APBB2: variants seen among roughly 807,000 people sequenced by gnomAD.
APBB2 encodes amyloid beta precursor protein binding family B member 2, also known as Fe65-like 1.
A neutral mutation model predicts 82.5 loss-of-function variants in APBB2; 38 were observed. The ratio of observed to expected loss-of-function variants is 0.46; its 90% CI spans 0.36 to 0.60. The LOEUF (loss-of-function observed/expected upper bound fraction) is 0.60. Ranked by LOEUF, APBB2 falls within the 20% of genes least tolerant of loss-of-function variation. APBB2 has a pLI of 0.00. For synonymous variants in APBB2, 341 were observed against 368.2 expected (o/e 0.93, Z 0.85); for missense variants, 772 against 972.3 (o/e 0.79, Z 2.74).
At chr4:41,210,040 T>A (rs1250864383) in intron 1 of APBB2, among the ~76,000 whole-genome samples, 2 of 152,188 alleles carry the variant, frequency 1.3e-5, no homozygotes, top group Non-Finnish European at 2.9e-5. Context: ...CCCACACATG[T>A]GCAGTTCACA....
intron 1 of APBB2, among the ~76,000 whole-genome samples, chr4:41,189,476 T>C (rs1391680191): frequency 6.6e-6 from 1 of 152,154 alleles, no homozygotes; most frequent in African/African-American, 2.4e-5. Context: ...TCTGTGTGCT[T>C]TCCCTTAATG....
rs551725920 is a variant in APBB2 at position 41,038,507 on chromosome 4, C to T, written c.-50-5203G>A. 6.6e-5 allele frequency among the ~76,000 whole-genome samples: 10 copies of T among 152,252 alleles called. No individual in the cohort carries two copies. The East Asian group carries it at 1.7e-3, about 26-fold the overall frequency. On this transcript the variant is annotated intron_variant, in intron 4 of 17. Coordinates refer to ENST00000508593, the MANE Select transcript of APBB2 (RefSeq NM_004307.2). ...TCTAATTCCTCCCCATACATTGTCC[C>T]GGATCTATCGCAGATCTACAATGCC...
At chr4:40,821,542 T>C (rs774623558) in intron 17 of APBB2, among the ~76,000 whole-genome samples, 2 of 152,204 alleles carry the variant, frequency 1.3e-5, no homozygotes, top group Non-Finnish European at 2.9e-5. Context: ...AAGTACTGAA[T>C]TGAACCCAAA....
chr4:41,013,533 AG>A lies in APBB2; in HGVS notation c.835+49del. On this transcript the variant is annotated intron_variant, in intron 6 of 17. Coordinates refer to ENST00000508593, the MANE Select transcript of APBB2 (RefSeq NM_004307.2). ...TAGAGATTTACTCCAATAGTTGAAA[AG>A]ATAAAAAAAAAAAAGTGCCAGCTGA... 5.9e-6 allele frequency: 9 copies of A among 1,530,792 alleles called. No individual in the cohort carries two copies. In the South Asian group the frequency reaches 1.1e-4, roughly 18 times the overall value. The allele number at this position is 1,530,792 out of a possible 1,614,324, so 94.8% of individuals were successfully genotyped here.
At chr4:41,211,030 G>A (rs537334333) in intron 1 of APBB2, among the ~76,000 whole-genome samples, 1 of 152,246 alleles carries the variant, frequency 6.6e-6, no homozygotes, top group South Asian at 2.1e-4. Flanking sequence ...CGAGACTGGT[G>A]GACCTCCTGA....
At chr4:41,074,431 A>C (rs570553312) in intron 3 of APBB2, among the ~76,000 whole-genome samples, 39 of 152,216 alleles carry the variant, frequency 2.6e-4, no homozygotes, top group African/African-American at 9.2e-4. Flanking sequence ...TAGCTTTAGC[A>C]CAAAACAGAT....
chr4:41,127,379 C>A lies in APBB2; in HGVS notation c.-261+15608G>T, dbSNP rs2154001698. On this transcript the variant is annotated intron_variant, in intron 2 of 17. Transcript: ENST00000508593. The surrounding 1 kb of genome is among the most constrained non-coding windows in gnomAD (Gnocchi z 4.8). ...AAAGCATTCACTTGATATTCCACAT[C>A]AATAGAAGGCAATTGCAAAAAAATT... is the stretch of plus-strand genomic sequence containing the variant. Among the ~76,000 whole-genome samples, 1 of 152,322 alleles carries A rather than the reference C, an allele frequency of 6.6e-6. No individual in the cohort carries two copies. Among genetic ancestry groups the A allele is most frequent in the South Asian group, 2.1e-4 (1 of 4,824 alleles).
At position 40,823,725 on chromosome 4, in the gene APBB2, A is replaced by C; in HGVS notation, c.1851T>G (p.Leu617=). ...AGTCCTCCTTGTTGGATGAGGTCAT[A>C]AGATTTTCTATGGCACTGTTCAAAA... ...MDILNSAIEN[L]MTSSNKEDWL... The change falls in exon 16 of 18, where the codon CTT becomes CTG. Residue 617 remains leucine, a synonymous_variant. Coordinates refer to ENST00000508593, the MANE Select transcript of APBB2 (RefSeq NM_004307.2). The C allele has an allele frequency of 6.2e-7, 1 of 1,613,822 alleles. No individual in the cohort carries two copies. The highest frequency in any genetic ancestry group is 8.5e-7 in the Non-Finnish European group (1 of 1,179,950).
intron 12 of APBB2, chr4:40,856,925 G>C: frequency 7.1e-6 from 7 of 983,318 alleles, no homozygotes; most frequent in Non-Finnish European, 8.5e-6. Context: ...GGTCTCCCGC[G>C]CCCGCCTCGC....
chr4:40,881,393 A>G lies in APBB2; in HGVS notation c.1529+8971T>C. 1.0e-5 allele frequency: 10 copies of G among 985,164 alleles called. No homozygotes were observed. In the South Asian group the frequency reaches 4.2e-4, roughly 42 times the overall value. The allele number at this position is 985,164 out of a possible 1,614,324, so 61.0% of individuals were successfully genotyped here. On this transcript the variant is annotated intron_variant, in intron 12 of 17. Transcript: ENST00000508593. Reference sequence around the variant, plus strand: ...CATCAGGAAACTCTACTTCTTCCAGACTGAGACCCCACCTAATCACTCCTA... The same window carrying G: ...CATCAGGAAACTCTACTTCTTCCAGGCTGAGACCCCACCTAATCACTCCTA...
chr4:41,213,318 G>A (rs1232744695), intron 1 of APBB2, among the ~76,000 whole-genome samples: 1 of 151,990 alleles, frequency 6.6e-6, no homozygotes, highest in Non-Finnish European at 1.5e-5. Context: ...CAGTGACTGA[G>A]GGACTTAAAC....
chr4:40,811,394 A>AAAT lies in APBB2; in HGVS notation c.*4695_*4697dup, dbSNP rs1744377567. The AAAT allele has an allele frequency of 2.0e-5, 3 of 152,130 alleles. No homozygotes were observed. Among genetic ancestry groups the AAAT allele is most frequent in the Non-Finnish European group, 4.4e-5 (3 of 68,026 alleles). The allele number at this position is 152,130 out of a possible 1,614,324, so 9.4% of individuals were successfully genotyped here. A position where few individuals can be genotyped will look rare whatever the true frequency, so the allele number is the denominator to read the frequency against. ...CGTGGCGAAACCCTGTCTCTACTAA[A>AAAT]AATATACAAATTGGCCAGGCGTGGC... is the stretch of plus-strand genomic sequence containing the variant. On this transcript the variant is annotated 3_prime_UTR_variant, in exon 18 of 18. Coordinates refer to ENST00000508593, the MANE Select transcript of APBB2 (RefSeq NM_004307.2).
At chr4:41,027,388 T>C (rs1579357353) in intron 5 of APBB2, among the ~76,000 whole-genome samples, 1 of 128,274 alleles carries the variant, frequency 7.8e-6, no homozygotes, top group African/African-American at 3.9e-5. Flanking sequence ...TATATATATA[T>C]ATATATATAT....
chr4:41,087,161 T>C (rs192037743), intron 3 of APBB2, among the ~76,000 whole-genome samples: 1 of 152,138 alleles, frequency 6.6e-6, no homozygotes, highest in Admixed American at 6.6e-5. Context: ...TAAATAAATA[T>C]TGATTACATA....
At chr4:40,906,783 C>T (rs575238449) in intron 10 of APBB2, among the ~76,000 whole-genome samples, 1 of 152,256 alleles carries the variant, frequency 6.6e-6, no homozygotes, top group Admixed American at 6.5e-5. Context: ...TGTCTTTTCC[C>T]TTAGGCCACA....
At chr4:41,043,367 A>T (rs1159672083) in intron 4 of APBB2, among the ~76,000 whole-genome samples, 2 of 152,156 alleles carry the variant, frequency 1.3e-5, no homozygotes, top group African/African-American at 4.8e-5. Context: ...TTTACTAAAT[A>T]ACACTAAATG....
intron 1 of APBB2, among the ~76,000 whole-genome samples, chr4:41,150,190 A>G (rs1339377444): frequency 4.6e-5 from 7 of 152,216 alleles, no homozygotes; most frequent in Admixed American, 2.6e-4. Context: ...TATTATAATA[A>G]TGGGCAACTG....
intron 10 of APBB2, among the ~76,000 whole-genome samples, chr4:40,905,108 C>G (rs1438996271): frequency 2.0e-5 from 3 of 152,198 alleles, no homozygotes; most frequent in Admixed American, 6.5e-5. Flanking sequence ...AGAGGACGGT[C>G]ATGATCATGG....
At chr4:40,883,565 C>T (rs967181852) in intron 12 of APBB2, among the ~76,000 whole-genome samples, 1 of 151,992 alleles carries the variant, frequency 6.6e-6, no homozygotes, top group Non-Finnish European at 1.5e-5. Flanking sequence ...CCAGCCTGGG[C>T]AACAAGAGTG....
Sources: allele counts gnomAD v4.1 joint callset (sites outside exome capture counted in the v4.1 genomes callset), GRCh38; gene constraint gnomAD v4.1.1; non-coding constraint Gnocchi (gnomAD v3.1); transcripts MANE v1.5; gene names NCBI Gene and HGNC (gene_info 2026-07-23, HGNC 2026-07-21).